Variants in DENND1B observed in about 807,000 individuals in gnomAD.
DENND1B encodes DENN domain containing 1B.
DENND1B carries 59 observed loss-of-function variants against 90.1 expected under a neutral mutation model. The observed-to-expected ratio is 0.65, with a 90% CI of 0.53 to 0.81. The LOEUF is 0.81. Among genes scored for constraint, DENND1B ranks in the 40% least tolerant of loss-of-function variants. The pLI is 0.00. For synonymous variants in DENND1B, 337 were observed against 324.6 expected, an observed-to-expected ratio of 1.04 and a Z score of -0.41; for missense variants, 862 against 912.6, an observed-to-expected ratio of 0.94 and a Z score of 0.71.
At chr1:197,592,316 C>T (rs935017917) in intron 14 of DENND1B, among the ~76,000 whole-genome samples, 2 of 151,916 alleles carry the variant, frequency 1.3e-5, no homozygotes, top group Admixed American at 6.6e-5. Context: ...ATTTTGAAGG[C>T]TTGTAAAAAT....
chr1:197,543,082 A>C (rs1670461897), intron 18 of DENND1B, among the ~76,000 whole-genome samples: 1 of 151,886 alleles, frequency 6.6e-6, no homozygotes, highest in South Asian at 2.1e-4. Context: ...CCATAGGAGC[A>C]CGACACCACA....
chr1:197,512,035 G>C, intron 21 of DENND1B, 91 bp from the exon 22 acceptor site: 7 of 926,868 alleles, frequency 7.6e-6, no homozygotes, highest in Non-Finnish European at 1.1e-5. Flanking sequence ...ATTAATGAGA[G>C]AGTTAACAAC....
chr1:197,659,300 GA>G (rs1205656907), intron 5 of DENND1B, among the ~76,000 whole-genome samples: 8 of 151,592 alleles, frequency 5.3e-5, no homozygotes, highest in African/African-American at 1.7e-4. Flanking sequence ...ATTCTAACAG[GA>G]TTTTTTTTCA....
intron 2 of DENND1B, among the ~76,000 whole-genome samples, chr1:197,756,575 CAAAAAAAAAAAAAA>C (rs57605617): frequency 3.7e-5 from 2 of 53,964 alleles, no homozygotes; most frequent in Non-Finnish European, 6.4e-5. Flanking sequence ...GTCTCCATCT[CAAAAAAAAAAAAAA>C]AAAAAAAAAA....
chr1:197,611,850 A>C (rs1677208280), intron 12 of DENND1B, 81 bp downstream of exon 12: 2 of 1,252,468 alleles, frequency 1.6e-6, no homozygotes, highest in Non-Finnish European at 2.3e-6. Flanking sequence ...TATACCACTG[A>C]TATTTCTTCA....
chr1:197,545,005 G>A (rs1670680677), intron 18 of DENND1B, among the ~76,000 whole-genome samples: 1 of 71,530 alleles, frequency 1.4e-5, no homozygotes, highest in South Asian at 5.7e-4. Flanking sequence ...GAAGGAAGAC[G>A]ACGACGACGA....
At chr1:197,645,282 A>G (rs1680632004) in intron 9 of DENND1B, among the ~76,000 whole-genome samples, 2 of 152,074 alleles carry the variant, frequency 1.3e-5, no homozygotes, top group African/African-American at 4.8e-5. Context: ...TGTCAATTTC[A>G]CTAAAATAAT....
chr1:197,540,030 T>A lies in DENND1B; in HGVS notation c.1449A>T (p.Gln483His). 1.2e-6 allele frequency: 2 copies of A among 1,613,418 alleles called. No homozygotes were observed. Among genetic ancestry groups the A allele is most frequent in the South Asian group, 2.2e-5 (2 of 91,036 alleles). The change falls in exon 20 of 23, where the codon CAA becomes CAT. Residue 483 changes from glutamine to histidine, a missense_variant. By Grantham distance (24) the Gln-to-His change is conservative. Coordinates refer to ENST00000620048, the MANE Select transcript of DENND1B (RefSeq NM_001195215.2). ...TGTGTAATTTGTAAACTGGTGTATA[T>A]TGTACAGAACTAGAACAGGTCCCAT... Reference protein sequence around the residue: ...EDYGTCSSSVQYTPVYKLHNE... With the variant: ...EDYGTCSSSVHYTPVYKLHNE...
At chr1:197,554,886 G>A (rs969483912) in intron 15 of DENND1B, among the ~76,000 whole-genome samples, 2 of 145,436 alleles carry the variant, frequency 1.4e-5, no homozygotes, top group South Asian at 4.5e-4. Flanking sequence ...ACAGCAGTAA[G>A]TCACACCAGT....
At chr1:197,574,712 C>T (rs1253934926) in intron 15 of DENND1B, among the ~76,000 whole-genome samples, 2 of 152,124 alleles carry the variant, frequency 1.3e-5, no homozygotes, top group African/African-American at 4.8e-5. Context: ...CTACAGTAAC[C>T]AAAACAGCAT....
chr1:197,677,642 T>G (rs766176978), intron 3 of DENND1B, among the ~76,000 whole-genome samples: 1 of 152,116 alleles, frequency 6.6e-6, no homozygotes, highest in Non-Finnish European at 1.5e-5. Context: ...GGAGTGTTTT[T>G]CAAAACACAA....
intron 3 of DENND1B, among the ~76,000 whole-genome samples, chr1:197,695,693 C>T (rs969529109): frequency 1.4e-5 from 2 of 140,792 alleles, no homozygotes; most frequent in African/African-American, 5.3e-5. Flanking sequence ...GAAATTATTT[C>T]TGTCTCATGT....
At chr1:197,741,322 G>T (rs1663193670) in intron 2 of DENND1B, among the ~76,000 whole-genome samples, 1 of 152,020 alleles carries the variant, frequency 6.6e-6, no homozygotes, top group African/African-American at 2.4e-5. Flanking sequence ...CCCAACTAAG[G>T]ATGTATTACC....
chr1:197,554,941 A>C (rs988271581), intron 15 of DENND1B, among the ~76,000 whole-genome samples: 2 of 152,036 alleles, frequency 1.3e-5, no homozygotes, highest in African/African-American at 4.8e-5. Flanking sequence ...AAATTAAGAA[A>C]GAATAGAAAA....
intron 13 of DENND1B, chr1:197,606,223 G>A (rs1183638009): frequency 2.0e-5 from 3 of 150,902 alleles, no homozygotes; most frequent in South Asian, 4.2e-4. Flanking sequence ...ACTATTTAAC[G>A]TGACATACAG....
At chr1:197,595,062 GT>G in intron 14 of DENND1B, 145 bp downstream of exon 14, 1 of 1,136,554 alleles carries the variant, frequency 8.8e-7, no homozygotes. Flanking sequence ...TGAAATGTAT[GT>G]TTTGAAACAC....
chr1:197,709,818 T>C (rs1426789520), intron 3 of DENND1B, among the ~76,000 whole-genome samples: 4 of 141,748 alleles, frequency 2.8e-5, no homozygotes, highest in Non-Finnish European at 4.5e-5. Context: ...ATCAGTGTGC[T>C]GTATTCAGGA....
At chr1:197,747,088 G>T in intron 2 of DENND1B, 1 of 779,844 alleles carries the variant, frequency 1.3e-6, no homozygotes, top group South Asian at 1.4e-5. Context: ...GGTTTCATTT[G>T]AGAACTGTTC....
At chr1:197,527,678 TAA>T (rs954193272) in intron 20 of DENND1B, among the ~76,000 whole-genome samples, 2 of 152,176 alleles carry the variant, frequency 1.3e-5, no homozygotes, top group African/African-American at 4.8e-5. Context: ...GTGATAAAAA[TAA>T]AGATTGTCTT....
Sources: gnomAD v4.1 joint callset for allele counts (sites outside exome capture counted in the v4.1 genomes callset) on GRCh38, gnomAD v4.1.1 for gene constraint, MANE v1.5 for transcripts, NCBI Gene and HGNC (gene_info 2026-07-23, HGNC 2026-07-21) for gene names.